The following DGCR8 variants were observed in gnomAD, a reference collection of about 807,000 sequenced individuals.
The protein encoded by DGCR8 is DGCR8 microprocessor complex subunit.
DGCR8 carries 14 observed loss-of-function variants against 78.5 expected under a neutral mutation model. The ratio of observed to expected loss-of-function variants is 0.18; its 90% CI spans 0.12 to 0.28. The LOEUF (loss-of-function observed/expected upper bound fraction) is 0.28, where lower values mean the gene tolerates loss of function less well. Among genes scored for constraint, DGCR8 ranks in the 10% least tolerant of loss-of-function variants. DGCR8 has a pLI of 1.00. For missense variants in DGCR8, 702 were observed against 1,022.5 expected, an observed-to-expected ratio of 0.69 and a Z score of 4.28; for synonymous variants, 399 against 402.4, an observed-to-expected ratio of 0.99 and a Z score of 0.10.
chr22:20,099,864 G>A (rs1315250679), intron 9 of DGCR8, among the ~76,000 whole-genome samples: 3 of 152,302 alleles, frequency 2.0e-5, no homozygotes, highest in South Asian at 4.1e-4. Context: ...TGAACTCCTG[G>A]CTTCAAGCAG....
Position 20,110,173 on chromosome 22 carries a change from G to T in DGCR8, c.*65G>T. ...CACTTCTGAGGAGACCAGCAGTCAT[G>T]CATCGTGCACCACAGTGTCAGGCCT... is the stretch of plus-strand genomic sequence containing the variant. On this transcript the variant is annotated 3_prime_UTR_variant, in exon 14 of 14. Coordinates refer to ENST00000351989, the MANE Select transcript of DGCR8 (RefSeq NM_022720.7). The T allele has an allele frequency of 6.6e-7, 1 of 1,523,664 alleles. No homozygotes were observed. Among genetic ancestry groups the T allele is most frequent in the Non-Finnish European group, 9.0e-7 (1 of 1,113,310 alleles). The allele number at this position is 1,523,664 out of a possible 1,614,324, so 94.4% of individuals were successfully genotyped here.
chr22:20,093,919 T>G (rs2049596376), intron 8 of DGCR8, among the ~76,000 whole-genome samples: 2 of 152,346 alleles, frequency 1.3e-5, no homozygotes, highest in South Asian at 4.1e-4. Flanking sequence ...GTATCTGTCA[T>G]TGCCGTGTGT....
intron 12 of DGCR8, 77 bp from the exon 13 acceptor site, chr22:20,108,813 G>T: frequency 1.1e-6 from 1 of 912,572 alleles, no homozygotes; most frequent in Non-Finnish European, 1.8e-6. Context: ...AGGGTCCCAG[G>T]CACACAGCTG....
intron 6 of DGCR8, 39 bp from the exon 7 acceptor site, chr22:20,091,830 A>G (rs1249677400): frequency 1.3e-6 from 2 of 1,591,102 alleles, no homozygotes; most frequent in Admixed American, 3.3e-5. Flanking sequence ...AGCTTGTGGC[A>G]CTGCTTCACA....
chr22:20,097,074 G>T (rs2049637203), intron 9 of DGCR8, among the ~76,000 whole-genome samples: 1 of 152,000 alleles, frequency 6.6e-6, no homozygotes, highest in Non-Finnish European at 1.5e-5. Flanking sequence ...CATTTTGCTG[G>T]TATTTTGTTA....
rs947276092 is a variant in DGCR8 at position 20,110,208 on chromosome 22, G to A, written c.*100G>A. On this transcript the variant is annotated 3_prime_UTR_variant, in exon 14 of 14. Coordinates refer to ENST00000351989, the MANE Select transcript of DGCR8 (RefSeq NM_022720.7). ...CCACAGTGTCAGGCCTCCAACCCAC[G>A]CTCCTTCCCTGTGGCCAACCTGTGG... The A allele has an allele frequency of 4.0e-6, 5 of 1,258,944 alleles. No individual in the cohort carries two copies. Among genetic ancestry groups the A allele is most frequent in the African/African-American group, 1.5e-5 (1 of 67,970 alleles). 78.0% of individuals were successfully genotyped at this position (1,258,944 alleles called of 1,614,324 possible).
chr22:20,100,779 C>A (rs1007275540), intron 9 of DGCR8: 6 of 985,366 alleles, frequency 6.1e-6, no homozygotes, highest in Non-Finnish European at 7.2e-6. Flanking sequence ...GCTGTAGACT[C>A]CCCTGCCTGG....
chr22:20,084,697 C>T (rs185870215), intron 1 of DGCR8, among the ~76,000 whole-genome samples: 1 of 152,342 alleles, frequency 6.6e-6, no homozygotes, highest in East Asian at 1.9e-4. Context: ...GGGTGTCCTT[C>T]CTTGTCTTTA....
chr22:20,095,183 G>C (rs946052930), intron 9 of DGCR8, among the ~76,000 whole-genome samples: 4 of 152,112 alleles, frequency 2.6e-5, no homozygotes, highest in Admixed American at 1.3e-4. Flanking sequence ...TTGACCCACT[G>C]CAACTTTCAC....
chr22:20,092,753 A>G, intron 7 of DGCR8, 56 bp from the exon 8 acceptor site: 1 of 1,483,286 alleles, frequency 6.7e-7, no homozygotes, highest in African/African-American at 1.4e-5. Flanking sequence ...CAGACTGTGC[A>G]CACGCTTTTG....
intron 1 of DGCR8, among the ~76,000 whole-genome samples, chr22:20,084,549 G>A (rs181484241): frequency 6.6e-5 from 10 of 152,238 alleles, no homozygotes; most frequent in Admixed American, 6.5e-4. Context: ...TGGGTTTGGC[G>A]ACTACCTCCT....
At chr22:20,091,204 C>T (rs546427910) in intron 5 of DGCR8, among the ~76,000 whole-genome samples, 1 of 152,344 alleles carries the variant, frequency 6.6e-6, no homozygotes, top group African/African-American at 2.4e-5. Flanking sequence ...TGTATTCTTC[C>T]TGCCCCAAAT....
intron 11 of DGCR8, 59 bp from the exon 12 acceptor site, chr22:20,107,212 G>T (rs1304068919): frequency 6.2e-7 from 1 of 1,609,610 alleles, no homozygotes; most frequent in Non-Finnish European, 8.5e-7. Flanking sequence ...GCGGCAGGGG[G>T]CCCCATGAGC....
At position 20,092,913 on chromosome 22, in the gene DGCR8, G is replaced by T. The variant is rs746864528; in HGVS notation, c.1705+6G>T. The T allele has an allele frequency of 9.9e-6, 16 of 1,610,008 alleles. No homozygotes were observed. In the Admixed American group the frequency reaches 2.3e-4, roughly 24 times the overall value. On this transcript the variant is annotated splice_donor_region_variant and intron_variant, in intron 8 of 13. Transcript: ENST00000351989. ...ACTTGCGAAGAATAAAGCTGGTAAC[G>T]TGCTTGCTTGGGTGTCAAAGATACG...
chr22:20,093,963 G>A (rs961401481), intron 8 of DGCR8, among the ~76,000 whole-genome samples: 2 of 152,204 alleles, frequency 1.3e-5, no homozygotes, highest in African/African-American at 4.8e-5. Flanking sequence ...CTTAGATTCT[G>A]CCTAAGAGAC....
intron 9 of DGCR8, among the ~76,000 whole-genome samples, chr22:20,098,604 C>T (rs2147931384): frequency 6.6e-6 from 1 of 152,294 alleles, no homozygotes; most frequent in South Asian, 2.1e-4. Flanking sequence ...GATACTGTAA[C>T]AAAGTGTCAC....
rs768953806 is a variant in DGCR8, at chr22:20,091,541, G to T, written c.1413G>T (p.Met471Ile). 3 of 1,614,258 alleles carry T rather than the reference G, an allele frequency of 1.9e-6. No individual in the cohort carries two copies. In the Admixed American group the frequency reaches 5.0e-5, roughly 27 times the overall value. The change falls in exon 6 of 14, where the codon ATG becomes ATT. Residue 471 changes from methionine (M) to isoleucine (I), a missense_variant. Physicochemically the swap from Met to Ile is conservative, Grantham distance 10. Around this residue, in one of 4 missense-constraint regions of DGCR8, gnomAD observed 225 missense variants for 427.7 expected, o/e 0.53. Coordinates refer to ENST00000351989, the MANE Select transcript of DGCR8 (RefSeq NM_022720.7). ...WAERRQFNRE[M>I]KRKQAESERP... ...AGCGGCGGCAATTCAATCGGGAAAT[G>T]AAGCGGAAGCAGGCGGAGTCCGAGA...
intron 12 of DGCR8, 35 bp from the exon 13 acceptor site, chr22:20,108,855 C>T (rs2049801672): frequency 8.8e-7 from 1 of 1,142,238 alleles, no homozygotes; most frequent in Non-Finnish European, 1.3e-6. Context: ...GAGCTACAGC[C>T]TGCAGTCCTG....
chr22:20,086,769 A>C lies in DGCR8; in HGVS notation c.720+86A>C. 2 of 1,424,712 alleles carry C rather than the reference A, an allele frequency of 1.4e-6. No homozygotes were observed. Among genetic ancestry groups the C allele is most frequent in the Non-Finnish European group, 1.9e-6 (2 of 1,069,418 alleles). The allele number at this position is 1,424,712 out of a possible 1,614,324, so 88.3% of individuals were successfully genotyped here. ...TTGCAGCATCTTTTGAAAGCAGGGA[A>C]ATTAAAAAAAAAAAAAACAAAAACC... On this transcript the variant is annotated intron_variant, in intron 2 of 13. Transcript: ENST00000351989. The surrounding 1 kb of genome is among the most constrained non-coding windows in gnomAD (Gnocchi z 6.4).
Sources: allele counts gnomAD v4.1 joint callset (sites outside exome capture counted in the v4.1 genomes callset), GRCh38; gene constraint gnomAD v4.1.1; regional missense constraint gnomAD v4.1.1; non-coding constraint Gnocchi (gnomAD v3.1); transcripts MANE v1.5; gene names NCBI Gene and HGNC (gene_info 2026-07-23, HGNC 2026-07-21).